The following ANKS1B variants were observed in gnomAD, a reference collection of about 807,000 sequenced individuals.
ANKS1B encodes the protein ankyrin repeat and sterile alpha motif domain-containing protein 1B.
A neutral mutation model predicts 148.3 loss-of-function variants in ANKS1B; 36 were observed. The ratio of observed to expected loss-of-function variants is 0.24; its 90% CI spans 0.19 to 0.32. The LOEUF is 0.32. Among genes scored for constraint, ANKS1B ranks in the 10% least tolerant of loss-of-function variants. The pLI is 1.00. For synonymous variants in ANKS1B, 542 were observed against 560.8 expected (o/e 0.97, Z 0.47); for missense variants, 1,157 against 1,542.6 (o/e 0.75, Z 4.19).
chr12:99,955,411 T>A (rs2095303977), intron 1 of ANKS1B, among the ~76,000 whole-genome samples: 1 of 139,334 alleles, frequency 7.2e-6, no homozygotes. Context: ...GAGAATGGCG[T>A]GAACCCGGGA....
At chr12:99,881,194 C>T (rs973455191) in intron 1 of ANKS1B, among the ~76,000 whole-genome samples, 1 of 152,194 alleles carries the variant, frequency 6.6e-6, no homozygotes, top group African/African-American at 2.4e-5. Context: ...AGCTCTGGCT[C>T]AACAGGTAGG....
At chr12:99,753,368 G>A (rs953937512) in intron 8 of ANKS1B, among the ~76,000 whole-genome samples, 1 of 152,098 alleles carries the variant, frequency 6.6e-6, no homozygotes, top group Admixed American at 6.6e-5. Context: ...GTGGCAGGAA[G>A]GAGAACAGAA....
chr12:99,027,371 C>T lies in ANKS1B; in HGVS notation c.2778+25786G>A, dbSNP rs574061567. 4.6e-4 allele frequency among the ~76,000 whole-genome samples: 70 copies of T among 152,236 alleles called. No individual in the cohort carries two copies. In the South Asian group the frequency reaches 0.015, roughly 32 times the overall value. On this transcript the variant is annotated intron_variant, in intron 17 of 26. Coordinates refer to ENST00000683438, the MANE Select transcript of ANKS1B (RefSeq NM_001352186.2). ...ATAATTGCTAATTCACTGTGTTGGACATTAGCTATTGAGTTATTAACCAGT... is the reference window on the plus strand; with the variant it reads ...ATAATTGCTAATTCACTGTGTTGGATATTAGCTATTGAGTTATTAACCAGT...
At chr12:99,394,503 C>T (rs2094179493) in intron 12 of ANKS1B, among the ~76,000 whole-genome samples, 1 of 152,124 alleles carries the variant, frequency 6.6e-6, no homozygotes, top group African/African-American at 2.4e-5. Context: ...AACCAAATTG[C>T]TCTTGTCAAG....
chr12:99,747,755 T>C (rs151069294), intron 8 of ANKS1B, among the ~76,000 whole-genome samples: 97 of 152,214 alleles, frequency 6.4e-4, no homozygotes, highest in African/African-American at 2.2e-3. Flanking sequence ...CTTTCTCTCC[T>C]ACACTTAACT....
chr12:99,584,214 T>C lies in ANKS1B; in HGVS notation c.1272+70853A>G, dbSNP rs575311919. Among the ~76,000 whole-genome samples the C allele has an allele frequency of 2.8e-3, 422 of 152,286 alleles. 6 individuals are homozygous for C. Among genetic ancestry groups the C allele is most frequent in the Non-Finnish European group, 1.1e-3 (77 of 68,032 alleles). On this transcript the variant is annotated intron_variant, in intron 9 of 26. Transcript: ENST00000683438. ...TTTTATAAAGTCATGGGCAAAAGCTTATGAAAATTGATTTAGCAAAACAAA... is the reference window on the plus strand; with the variant it reads ...TTTTATAAAGTCATGGGCAAAAGCTCATGAAAATTGATTTAGCAAAACAAA...
In ANKS1B at chr12:99,806,462, T is replaced by C. The variant is rs760533946; in HGVS notation, c.611A>G (p.Asn204Ser). The change falls in exon 4 of 27, where the codon AAT becomes AGT. Residue 204 changes from asparagine to serine, a missense_variant. This residue lies in a region of ANKS1B where 26 missense variants were observed against 83.4 expected (regional missense o/e 0.31). Transcript: ENST00000683438. ...KHTPLHLAAR[N>S]GHKAVVQVLL... ...CACCTGCACGACTGCTTTGTGGCCA[T>C]TGCGCGCAGCAAGGTGAAGTGGCGT... 5.0e-6 allele frequency: 8 copies of C among 1,613,920 alleles called. No homozygotes were observed. The highest frequency in any genetic ancestry group is 1.7e-5 in the Admixed American group (1 of 60,022).
chr12:99,609,642 C>T (rs1229194179), intron 9 of ANKS1B, among the ~76,000 whole-genome samples: 1 of 151,888 alleles, frequency 6.6e-6, no homozygotes, highest in Non-Finnish European at 1.5e-5. Context: ...AACACTTGTG[C>T]TCTCTGGCTG....
At chr12:99,519,758 T>G (rs1167552581) in intron 9 of ANKS1B, among the ~76,000 whole-genome samples, 2 of 152,138 alleles carry the variant, frequency 1.3e-5, no homozygotes, top group Non-Finnish European at 2.9e-5. Flanking sequence ...CTTTTCTCCC[T>G]TTTAGTGAAA....
intron 12 of ANKS1B, among the ~76,000 whole-genome samples, chr12:99,383,567 C>T (rs1422352474): frequency 2.6e-5 from 4 of 152,200 alleles, no homozygotes; most frequent in Non-Finnish European, 5.9e-5. Flanking sequence ...TTTGTGACCA[C>T]ATAATTCCTG....
At chr12:99,107,078 T>C (rs2059377556) in intron 15 of ANKS1B, among the ~76,000 whole-genome samples, 1 of 151,758 alleles carries the variant, frequency 6.6e-6, no homozygotes, top group African/African-American at 2.4e-5. Flanking sequence ...TACAGTAAAC[T>C]CAAGATATAA....
chr12:99,365,519 G>A (rs1295254754), intron 12 of ANKS1B, among the ~76,000 whole-genome samples: 1 of 152,162 alleles, frequency 6.6e-6, no homozygotes, highest in Non-Finnish European at 1.5e-5. Flanking sequence ...ATGATTCCGG[G>A]TATAGAGAGT....
intron 12 of ANKS1B, among the ~76,000 whole-genome samples, chr12:99,364,668 T>C (rs1311158929): frequency 5.9e-5 from 9 of 152,186 alleles, no homozygotes; most frequent in African/African-American, 2.2e-4. Context: ...ATTCCCAGAG[T>C]ATTTCAGATA....
At chr12:99,836,330 C>T (rs1412301951) in intron 1 of ANKS1B, among the ~76,000 whole-genome samples, 1 of 151,496 alleles carries the variant, frequency 6.6e-6, no homozygotes, top group Non-Finnish European at 1.5e-5. Context: ...GCCTTTGGAG[C>T]AAAAATAAAT....
At chr12:99,161,370 C>G (rs556679335) in intron 14 of ANKS1B, among the ~76,000 whole-genome samples, 148 of 151,944 alleles carry the variant, frequency 9.7e-4, no homozygotes, top group Non-Finnish European at 1.4e-3. Context: ...TCTCTACGAA[C>G]AATTAAAAAG....
At chr12:99,268,890 T>G (rs1472706675) in intron 12 of ANKS1B, among the ~76,000 whole-genome samples, 5 of 152,188 alleles carry the variant, frequency 3.3e-5, no homozygotes, top group African/African-American at 1.2e-4. Context: ...GGGAACGCCA[T>G]TTGAGACAAT....
intron 9 of ANKS1B, among the ~76,000 whole-genome samples, chr12:99,603,750 G>GA (rs1386491778): frequency 2.0e-5 from 3 of 151,776 alleles, no homozygotes; most frequent in African/African-American, 7.3e-5. Context: ...TGCCTTCAGA[G>GA]AAAAAAAATC....
chr12:99,937,908 A>G (rs567771587), intron 1 of ANKS1B, among the ~76,000 whole-genome samples: 22 of 152,230 alleles, frequency 1.4e-4, no homozygotes, highest in African/African-American at 5.1e-4. Context: ...GTTATATATA[A>G]TAAGTGAAAA....
chr12:99,352,906 A>G (rs146388763), intron 12 of ANKS1B, among the ~76,000 whole-genome samples: 1 of 152,214 alleles, frequency 6.6e-6, no homozygotes, highest in East Asian at 1.9e-4. Context: ...AAGATTCTCA[A>G]TAACTTTTAA....
Sources: gnomAD v4.1 joint callset for allele counts (sites outside exome capture counted in the v4.1 genomes callset) on GRCh38, gnomAD v4.1.1 for gene constraint, gnomAD v4.1.1 regional missense constraint, MANE v1.5 for transcripts, NCBI Gene and HGNC (gene_info 2026-07-23, HGNC 2026-07-21) for gene names.